NRXN3: variants seen among roughly 807,000 people sequenced by gnomAD.
NRXN3 encodes the protein neurexin III.
Under a neutral mutation model 137.6 loss-of-function variants are expected in NRXN3, and 32 were observed. The ratio of observed to expected loss-of-function variants is 0.23; its 90% CI spans 0.18 to 0.31. The LOEUF (loss-of-function observed/expected upper bound fraction) is 0.31, where lower values mean the gene tolerates loss of function less well. Among genes scored for constraint, NRXN3 ranks in the 10% least tolerant of loss-of-function variants. The probability of loss-of-function intolerance (pLI) is 1.00; values close to 1 mark genes in which losing one functional copy is unlikely to be tolerated. For missense variants in NRXN3, 1,574 were observed against 2,062.5 expected (o/e 0.76, Z 4.59); for synonymous variants, 798 against 784.5 (o/e 1.02, Z -0.29).
intron 10 of NRXN3, among the ~76,000 whole-genome samples, chr14:78,817,670 A>G (rs1330331449): frequency 6.6e-6 from 1 of 152,174 alleles, no homozygotes; most frequent in Non-Finnish European, 1.5e-5. Flanking sequence ...ACTTGGTGAG[A>G]GAGGAAGCAA....
At chr14:78,738,466 C>T (rs1240611466) in intron 8 of NRXN3, among the ~76,000 whole-genome samples, 1 of 152,126 alleles carries the variant, frequency 6.6e-6, no homozygotes, top group Non-Finnish European at 1.5e-5. Context: ...CCTCTCAGAC[C>T]CCACCCTCAG....
intron 15 of NRXN3, among the ~76,000 whole-genome samples, chr14:79,307,656 T>C (rs1307862597): frequency 1.3e-5 from 2 of 152,106 alleles, no homozygotes; most frequent in African/African-American, 4.8e-5. Flanking sequence ...GCCTGGCAAG[T>C]TACTACTCAT....
chr14:78,657,268 G>A (rs1323170243), intron 6 of NRXN3, among the ~76,000 whole-genome samples: 2 of 152,064 alleles, frequency 1.3e-5, no homozygotes, highest in Admixed American at 6.5e-5. Context: ...ATACAGGAAG[G>A]CCAAGCCAAG....
chr14:79,381,541 G>T (rs1306780758), intron 15 of NRXN3, among the ~76,000 whole-genome samples: 1 of 152,010 alleles, frequency 6.6e-6, no homozygotes, highest in African/African-American at 2.4e-5. Context: ...ATGAACCCCG[G>T]CTGTTCTCTC....
chr14:78,681,032 T>G (rs531906189), intron 6 of NRXN3, among the ~76,000 whole-genome samples: 1 of 152,288 alleles, frequency 6.6e-6, no homozygotes, highest in African/African-American at 2.4e-5. Flanking sequence ...ACAGCTTCAT[T>G]TGGTACCCAG....
At chr14:78,405,905 A>T (rs2092454952) in intron 4 of NRXN3, among the ~76,000 whole-genome samples, 1 of 152,202 alleles carries the variant, frequency 6.6e-6, no homozygotes, top group South Asian at 2.1e-4. Flanking sequence ...GTGCTGTTAC[A>T]TTGTCTAGTT....
At chr14:78,284,726 CTGT>C (rs1292958543) in intron 3 of NRXN3, among the ~76,000 whole-genome samples, 1 of 152,176 alleles carries the variant, frequency 6.6e-6, no homozygotes, top group Non-Finnish European at 1.5e-5. Flanking sequence ...AACACACCTG[CTGT>C]TCTCTCCTGT....
chr14:78,312,179 G>A (rs1240466936), intron 4 of NRXN3, among the ~76,000 whole-genome samples: 2 of 152,128 alleles, frequency 1.3e-5, no homozygotes, highest in African/African-American at 4.8e-5. Context: ...GTTTCAGTGT[G>A]CAAACTTTCT....
chr14:79,805,282 ATAGAT>A (rs921261505), intron 20 of NRXN3, 92 bp downstream of exon 20: 26 of 822,502 alleles, frequency 3.2e-5, no homozygotes, highest in Middle Eastern at 2.4e-4. Context: ...TGTTTTATAT[ATAGAT>A]TATAGTGTGT....
At chr14:79,776,418 G>T (rs1379412886) in intron 19 of NRXN3, among the ~76,000 whole-genome samples, 13 of 152,134 alleles carry the variant, frequency 8.5e-5, no homozygotes. Flanking sequence ...CCTAAATGAG[G>T]CCACAAGGCT....
At chr14:79,845,277 G>A (rs1319057090) in intron 20 of NRXN3, among the ~76,000 whole-genome samples, 1 of 152,148 alleles carries the variant, frequency 6.6e-6, no homozygotes, top group Non-Finnish European at 1.5e-5. Context: ...GTATTTACTG[G>A]AACAACAATT....
At chr14:78,285,092 A>G (rs1006607988) in intron 3 of NRXN3, among the ~76,000 whole-genome samples, 2 of 152,122 alleles carry the variant, frequency 1.3e-5, no homozygotes. Flanking sequence ...TCTTTTCTTT[A>G]ACCTGATAGA....
intron 16 of NRXN3, among the ~76,000 whole-genome samples, chr14:79,565,124 T>C (rs2097534402): frequency 6.6e-6 from 1 of 151,920 alleles, no homozygotes; most frequent in South Asian, 2.1e-4. Context: ...ATAGCATTTA[T>C]ATTTATTTGT....
At chr14:79,011,287 A>G (rs2099570464) in intron 15 of NRXN3, among the ~76,000 whole-genome samples, 2 of 152,158 alleles carry the variant, frequency 1.3e-5, no homozygotes, top group South Asian at 2.1e-4. Flanking sequence ...GATCTGGTGT[A>G]AAAGTGATTG....
intron 4 of NRXN3, among the ~76,000 whole-genome samples, chr14:78,628,807 G>T (rs1343329961): frequency 6.6e-6 from 1 of 152,196 alleles, no homozygotes; most frequent in East Asian, 1.9e-4. Context: ...AGCCACAGAA[G>T]CCCTAGAAGA....
intron 16 of NRXN3, among the ~76,000 whole-genome samples, chr14:79,512,564 T>C (rs563419314): frequency 1.4e-4 from 21 of 152,380 alleles, no homozygotes; most frequent in African/African-American, 4.8e-4. Context: ...TTGCTCTTTA[T>C]GGTTCTTACG....
chr14:78,222,183 G>A (rs2063920515), intron 1 of NRXN3, among the ~76,000 whole-genome samples: 1 of 152,186 alleles, frequency 6.6e-6, no homozygotes, highest in Non-Finnish European at 1.5e-5. Context: ...TGTATTGTGA[G>A]GAGTCAAATA....
chr14:78,901,542 A>T (rs1189697687), intron 10 of NRXN3, among the ~76,000 whole-genome samples: 1 of 152,032 alleles, frequency 6.6e-6, no homozygotes, highest in Non-Finnish European at 1.5e-5. Context: ...TAATGATATG[A>T]TCTCTATCAA....
rs73325332 is a variant in NRXN3 at position 78,947,650 on chromosome 14, A to T, written c.2276-9592A>T. On this transcript the variant is annotated intron_variant, in intron 10 of 20. Coordinates refer to ENST00000335750, the MANE Select transcript of NRXN3 (RefSeq NM_001330195.2). ...CCTCCATGGTTCAGAGTGAAGAGCT[A>T]TGTGATTGTGCTTAGAGACCTGTGC... 9.2e-3 allele frequency among the ~76,000 whole-genome samples: 1,398 copies of T among 152,318 alleles called. 25 individuals carry two copies. The highest frequency in any genetic ancestry group is 0.032 in the African/African-American group (1,318 of 41,572).
Sources: allele counts gnomAD v4.1 joint callset (sites outside exome capture counted in the v4.1 genomes callset), GRCh38; gene constraint gnomAD v4.1.1; transcripts MANE v1.5; gene names NCBI Gene and HGNC (gene_info 2026-07-23, HGNC 2026-07-21).